The following TSPAN18 variants were observed in gnomAD, a reference collection of about 807,000 sequenced individuals.
TSPAN18 encodes tetraspanin 18, also known as tetraspanin-18.
Under a neutral mutation model 27.3 loss-of-function variants are expected in TSPAN18, and 14 were observed. The observed-to-expected ratio is 0.51, with a 90% CI of 0.34 to 0.80. The LOEUF (loss-of-function observed/expected upper bound fraction) is 0.80. Ranked by LOEUF, TSPAN18 falls within the 30% of genes least tolerant of loss-of-function variation. The pLI is 0.01. For synonymous variants in TSPAN18, 143 were observed against 136.5 expected (o/e 1.05, Z -0.33); for missense variants, 268 against 323.9 (o/e 0.83, Z 1.32).
intron 2 of TSPAN18, among the ~76,000 whole-genome samples, chr11:44,823,690 C>T (rs1036754910): frequency 6.6e-6 from 1 of 152,124 alleles, no homozygotes; most frequent in African/African-American, 2.4e-5. Context: ...CTGTCTTCAG[C>T]TTGGAGGTGA....
intron 2 of TSPAN18, among the ~76,000 whole-genome samples, chr11:44,858,898 G>A (rs879511933): frequency 3.3e-5 from 5 of 152,166 alleles, no homozygotes; most frequent in Non-Finnish European, 5.9e-5. Flanking sequence ...TCCTGCAGCC[G>A]TTTATTTATT....
At chr11:44,851,616 C>A (rs182393229) in intron 2 of TSPAN18, among the ~76,000 whole-genome samples, 5 of 127,280 alleles carry the variant, frequency 3.9e-5, no homozygotes, top group Non-Finnish European at 7.4e-5. Flanking sequence ...CTTGTCACCT[C>A]CCCCCCCCAA....
At position 44,754,205 on chromosome 11, in the gene TSPAN18, AC is replaced by A. The variant is rs796598203; in HGVS notation, c.-239-10220del. On this transcript the variant is annotated intron_variant, in intron 1 of 9. Coordinates refer to ENST00000520358, the MANE Select transcript of TSPAN18 (RefSeq NM_130783.5). Reference sequence around the variant, plus strand: ...ACATGGACTTGAGCAGGGAAGCATTACAAAGAGTTGGGGTGCAGTTTTCCCA... The same window carrying A: ...ACATGGACTTGAGCAGGGAAGCATTAAAAGAGTTGGGGTGCAGTTTTCCCA... 5.9e-4 allele frequency among the ~76,000 whole-genome samples: 90 copies of A among 152,334 alleles called. 1 individual carries two copies. The highest frequency in any genetic ancestry group is 1.9e-3 in the African/African-American group (81 of 41,580).
intron 2 of TSPAN18, among the ~76,000 whole-genome samples, chr11:44,849,667 G>A (rs865809772): frequency 3.4e-5 from 5 of 147,444 alleles, no homozygotes; most frequent in African/African-American, 1.2e-4. Context: ...TCCCGTCCAG[G>A]AAAGGGGACC....
At chr11:44,769,038 G>A (rs1855631721) in intron 2 of TSPAN18, among the ~76,000 whole-genome samples, 1 of 151,886 alleles carries the variant, frequency 6.6e-6, no homozygotes, top group Admixed American at 6.6e-5. Flanking sequence ...GAGATTACAG[G>A]CGCATGCTAC....
intron 2 of TSPAN18, among the ~76,000 whole-genome samples, chr11:44,826,027 C>T (rs970153918): frequency 3.9e-5 from 6 of 152,182 alleles, no homozygotes; most frequent in African/African-American, 1.4e-4. Flanking sequence ...ATCTACCTTA[C>T]AAGGCTGGAG....
At chr11:44,782,116 A>C (rs372186638) in intron 2 of TSPAN18, among the ~76,000 whole-genome samples, 70 of 152,292 alleles carry the variant, frequency 4.6e-4, no homozygotes, top group African/African-American at 1.6e-3. Context: ...ATTGTTGTCA[A>C]TTTTTGGCTA....
chr11:44,780,928 C>T (rs568998382), intron 2 of TSPAN18, among the ~76,000 whole-genome samples: 12 of 152,350 alleles, frequency 7.9e-5, no homozygotes, highest in African/African-American at 2.9e-4. Flanking sequence ...GTTTTGAATT[C>T]CTGGTGAGAC....
intron 1 of TSPAN18, among the ~76,000 whole-genome samples, chr11:44,756,736 G>A (rs537944383): frequency 6.6e-6 from 1 of 152,282 alleles, no homozygotes; most frequent in South Asian, 2.1e-4. Context: ...GTTGCAGCGT[G>A]TCAGAATTTC....
At chr11:44,905,784 T>A (rs1859432386) in intron 3 of TSPAN18, among the ~76,000 whole-genome samples, 1 of 152,218 alleles carries the variant, frequency 6.6e-6, no homozygotes, top group Non-Finnish European at 1.5e-5. Context: ...GCTAGAGGTC[T>A]CAGAGTAGAG....
At chr11:44,797,938 CTTG>C (rs1223731877) in intron 2 of TSPAN18, among the ~76,000 whole-genome samples, 1 of 152,158 alleles carries the variant, frequency 6.6e-6, no homozygotes, top group Non-Finnish European at 1.5e-5. Context: ...AGTCAAGACG[CTTG>C]TTGGGTCAAA....
intron 2 of TSPAN18, among the ~76,000 whole-genome samples, chr11:44,765,296 C>T (rs1855542342): frequency 6.6e-6 from 1 of 152,130 alleles, no homozygotes. Context: ...GAAGAAGTGA[C>T]AGGTCAGGGG....
Position 44,896,659 on chromosome 11 carries a change from C to G in TSPAN18, c.-10-9748C>G, listed in dbSNP as rs892505292. Among the ~76,000 whole-genome samples, 4 of 152,188 alleles carry G rather than the reference C, an allele frequency of 2.6e-5. No individual in the cohort carries two copies. The East Asian group carries it at 7.7e-4, about 29-fold the overall frequency. On this transcript the variant is annotated intron_variant, in intron 3 of 9. Transcript: ENST00000520358. ...ACCTCTGCACTCCCCCAAGACTAGC[C>G]TTCACCATCCCCTTCCCCACAGTTC...
chr11:44,754,072 C>A (rs1214683763), intron 1 of TSPAN18, among the ~76,000 whole-genome samples: 3 of 152,180 alleles, frequency 2.0e-5, no homozygotes, highest in African/African-American at 7.2e-5. Flanking sequence ...AATCTCCACG[C>A]TATGAATTTT....
intron 1 of TSPAN18, among the ~76,000 whole-genome samples, chr11:44,747,049 C>T (rs960478363): frequency 3.9e-5 from 6 of 152,248 alleles, no homozygotes; most frequent in Admixed American, 3.3e-4. Flanking sequence ...CATTGAAAAA[C>T]GGGGCCTTTC....
intron 2 of TSPAN18, among the ~76,000 whole-genome samples, chr11:44,843,082 T>C (rs1397426085): frequency 6.6e-6 from 1 of 152,242 alleles, no homozygotes; most frequent in Non-Finnish European, 1.5e-5. Context: ...GATCCTTCCA[T>C]ATATATCTAA....
intron 2 of TSPAN18, among the ~76,000 whole-genome samples, chr11:44,767,841 A>G (rs1855604887): frequency 6.6e-6 from 1 of 152,152 alleles, no homozygotes; most frequent in African/African-American, 2.4e-5. Context: ...TGTCCTTGGC[A>G]CTATTTGTTG....
At chr11:44,836,737 GC>G in intron 2 of TSPAN18, among the ~76,000 whole-genome samples, 1 of 152,204 alleles carries the variant, frequency 6.6e-6, no homozygotes, top group East Asian at 1.9e-4. Flanking sequence ...TTAAGCTGAT[GC>G]CAGTGCTCAT....
chr11:44,761,191 G>A (rs1855446197), intron 1 of TSPAN18, among the ~76,000 whole-genome samples: 1 of 152,210 alleles, frequency 6.6e-6, no homozygotes, highest in African/African-American at 2.4e-5. Flanking sequence ...CAAGTCTGGG[G>A]CTGGGAGGGT....
Sources: gnomAD v4.1 joint callset for allele counts (sites outside exome capture counted in the v4.1 genomes callset) on GRCh38, gnomAD v4.1.1 for gene constraint, MANE v1.5 for transcripts, NCBI Gene and HGNC (gene_info 2026-07-23, HGNC 2026-07-21) for gene names.